The following NUDT5 variants were observed in gnomAD, a reference collection of about 807,000 sequenced individuals.
NUDT5 encodes nudix hydrolase 5, also known as ADP-sugar pyrophosphatase.
A neutral mutation model predicts 34.1 loss-of-function variants in NUDT5; 21 were observed. The observed-to-expected ratio is 0.62, with a 90% CI of 0.44 to 0.89. The LOEUF is 0.89. Among genes scored for constraint, NUDT5 ranks in the 40% least tolerant of loss-of-function variants. NUDT5 has a pLI of 0.00. For missense variants in NUDT5, 249 were observed against 274.8 expected (o/e 0.91, Z 0.66); for synonymous variants, 85 against 97.6 (o/e 0.87, Z 0.76).
intron 1 of NUDT5, among the ~76,000 whole-genome samples, chr10:12,190,767 C>G (rs561214817): frequency 1.3e-5 from 2 of 151,828 alleles, no homozygotes; most frequent in Non-Finnish European, 2.9e-5. Context: ...TACCACCACA[C>G]CCGGCTGATT....
intron 5 of NUDT5, among the ~76,000 whole-genome samples, chr10:12,176,057 T>C (rs982159225): frequency 3.3e-5 from 5 of 151,642 alleles, no homozygotes; most frequent in African/African-American, 4.8e-5. Flanking sequence ...ATTAGCCGGG[T>C]GTGGTGGCAC....
In NUDT5 at chr10:12,170,765, C is replaced by A; in HGVS notation, c.502G>T (p.Val168Leu). The stretch of plus-strand genomic sequence containing the variant: ...TTCTTGGGTAAAGAAATGACTTCCA[C>A]AAACTCTAAACAGACAAAGTGCAAG... ...PKPKPGDGEF[V>L]EVISLPKNDL... Residue 168 changes from valine to leucine, a missense_variant, in exon 9 of 10, where the codon GTG becomes TTG. Val to Leu is a conservative substitution (Grantham distance 32). Coordinates refer to ENST00000491614, the MANE Select transcript of NUDT5 (RefSeq NM_014142.4). The surrounding 1 kb of genome is among the most constrained non-coding windows in gnomAD (Gnocchi z 4.9). The A allele has an allele frequency of 6.2e-7, 1 of 1,614,130 alleles. No individual in the cohort carries two copies. The highest frequency in any genetic ancestry group is 8.5e-7 in the Non-Finnish European group (1 of 1,180,014).
At chr10:12,177,735 G>A in intron 5 of NUDT5, 58 bp downstream of exon 5, 2 of 1,246,980 alleles carry the variant, frequency 1.6e-6, no homozygotes, top group Middle Eastern at 1.9e-4. Flanking sequence ...CAGTTCTCAG[G>A]CTTTACCCTG....
chr10:12,191,312 G>C (rs1835225716), intron 1 of NUDT5, among the ~76,000 whole-genome samples: 1 of 152,086 alleles, frequency 6.6e-6, no homozygotes, highest in African/African-American at 2.4e-5. Context: ...GAACCCGGGA[G>C]GTGGAGCTTG....
rs907845927 is a variant in NUDT5 at position 12,168,726 on chromosome 10, C to T, written c.551-915G>A. On this transcript the variant is annotated intron_variant, in intron 9 of 9. Coordinates refer to ENST00000491614, the MANE Select transcript of NUDT5 (RefSeq NM_014142.4). The surrounding 1 kb of genome is among the most constrained non-coding windows in gnomAD (Gnocchi z 4.8). ...GGCACAGCAGGTGCTTGGTAACTGGCAGATGCTACTCTTTGTAGCAAACTG... is the reference window on the plus strand; with the variant it reads ...GGCACAGCAGGTGCTTGGTAACTGGTAGATGCTACTCTTTGTAGCAAACTG... Among the ~76,000 whole-genome samples the T allele has an allele frequency of 1.3e-5, 2 of 152,120 alleles. No homozygotes were observed. Among genetic ancestry groups the T allele is most frequent in the Non-Finnish European group, 2.9e-5 (2 of 68,004 alleles).
At chr10:12,178,680 T>C (rs1187830128) in intron 4 of NUDT5, among the ~76,000 whole-genome samples, 1 of 152,224 alleles carries the variant, frequency 6.6e-6, no homozygotes, top group African/African-American at 2.4e-5. Context: ...ATTAATTCCG[T>C]GTCCTCATCA....
At chr10:12,190,829 G>C (rs954504607) in intron 1 of NUDT5, among the ~76,000 whole-genome samples, 1 of 151,598 alleles carries the variant, frequency 6.6e-6, no homozygotes, top group Non-Finnish European at 1.5e-5. Context: ...GGCTGGTTTC[G>C]AACTCCTGAC....
At chr10:12,167,949 C>T (rs1834747681) in intron 9 of NUDT5, 138 bp from the exon 10 acceptor site, 7 of 1,410,442 alleles carry the variant, frequency 5.0e-6, no homozygotes, top group Non-Finnish European at 5.5e-6. Flanking sequence ...TTTTTTTGGT[C>T]TATAAGGATC....
chr10:12,179,112 C>A lies in NUDT5; in HGVS notation c.152G>T (p.Arg51Leu). Residue 51 changes from arginine (R) to leucine (L), a missense_variant, in exon 4 of 10, where the codon CGT becomes CTT. By Grantham distance (102) the Arg-to-Leu change is moderately radical (BLOSUM62 -2). Coordinates refer to ENST00000491614, the MANE Select transcript of NUDT5 (RefSeq NM_014142.4). ...GKTRTWESVKRTTRKEQTADG... is the reference protein window; with the variant it reads ...GKTRTWESVKLTTRKEQTADG... Reference sequence around the variant, plus strand: ...CGCAGTCTGCTCTTTCCTGGTTGTACGTTTCACTGATTCCCAAGTTCTGTT... The same window carrying A: ...CGCAGTCTGCTCTTTCCTGGTTGTAAGTTTCACTGATTCCCAAGTTCTGTT... 1 of 1,614,000 alleles carries A rather than the reference C, an allele frequency of 6.2e-7. No homozygotes were observed. Among genetic ancestry groups the A allele is most frequent in the South Asian group, 1.1e-5 (1 of 91,070 alleles).
chr10:12,191,462 T>C (rs1005713707), intron 1 of NUDT5, among the ~76,000 whole-genome samples: 2 of 152,046 alleles, frequency 1.3e-5, no homozygotes, highest in African/African-American at 4.8e-5. Context: ...ACTCCACATA[T>C]AATGATGATT....
rs573442367 is a variant in NUDT5 at position 12,181,652 on chromosome 10, G to A, written c.132-2520C>T. ...TGCCATTTCATGACCCTCTGTGGGA[G>A]TACCTGCAGAGGGAAGTCGCCGTGT... On this transcript the variant is annotated intron_variant, in intron 3 of 9. Coordinates refer to ENST00000491614, the MANE Select transcript of NUDT5 (RefSeq NM_014142.4). The surrounding 1 kb of genome is among the most constrained non-coding windows in gnomAD (Gnocchi z 5.0). Among the ~76,000 whole-genome samples, 1 of 152,024 alleles carries A rather than the reference G, an allele frequency of 6.6e-6. No homozygotes were observed. The highest frequency in any genetic ancestry group is 2.1e-4 in the South Asian group (1 of 4,824).
Position 12,170,617 on chromosome 10 carries a change from C to T in NUDT5, c.550+100G>A. 4 of 1,153,110 alleles carry T rather than the reference C, an allele frequency of 3.5e-6. No homozygotes were observed. The highest frequency in any genetic ancestry group is 2.6e-6 in the Non-Finnish European group (2 of 767,910). The allele number at this position is 1,153,110 out of a possible 1,614,324, so 71.4% of individuals were successfully genotyped here. A position where few individuals can be genotyped will look rare whatever the true frequency, so the allele number is the denominator to read the frequency against. On this transcript the variant is annotated intron_variant, in intron 9 of 9. Transcript: ENST00000491614. This position sits in a 1 kb window ranked among gnomAD's most constrained non-coding sequence, Gnocchi z 4.9. ...TGCTAGGCATTTGACTTTAGTGATA[C>T]AAAAAAGATAAAGAAATGGAGTTAT...
At chr10:12,185,403 G>A (rs571608061) in intron 2 of NUDT5, among the ~76,000 whole-genome samples, 13 of 152,318 alleles carry the variant, frequency 8.5e-5, no homozygotes, top group Admixed American at 8.5e-4. Flanking sequence ...ACACAGGAAG[G>A]CGGACTGTGG....
Position 12,186,358 on chromosome 10 carries a change from G to A in NUDT5, c.-41-26C>T, listed in dbSNP as rs535346598. 2.8e-4 allele frequency: 341 copies of A among 1,219,368 alleles called. 2 individuals carry two copies. The South Asian group carries it at 4.1e-3, about 14-fold the overall frequency. The allele number at this position is 1,219,368 out of a possible 1,614,324, so 75.5% of individuals were successfully genotyped here. A position where few individuals can be genotyped will look rare whatever the true frequency, so the allele number is the denominator to read the frequency against. ...CTGCAAGATAATGAGATTTGTTCAG[G>A]CTAAAATTATTTTTCTGAATTAAAC... On this transcript the variant is annotated intron_variant, in intron 1 of 9. Transcript: ENST00000491614.
At chr10:12,172,893 C>A in intron 6 of NUDT5, 27 bp from the exon 7 acceptor site, 2 of 1,487,794 alleles carry the variant, frequency 1.3e-6, no homozygotes, top group Middle Eastern at 3.4e-4. Flanking sequence ...CAGTCAGATG[C>A]GTCAGTCCCT....
intron 2 of NUDT5, 45 bp from the exon 3 acceptor site, chr10:12,185,001 T>C (rs1835103299): frequency 1.9e-6 from 2 of 1,052,076 alleles, no homozygotes; most frequent in Admixed American, 2.0e-5. Context: ...TCAAACCAAG[T>C]TGTTTTTATC....
chr10:12,184,832 A>G, intron 3 of NUDT5, 57 bp downstream of exon 3: 1 of 976,780 alleles, frequency 1.0e-6, no homozygotes, highest in Non-Finnish European at 1.6e-6. Context: ...AAAACACTCA[A>G]CAGATAACCT....
At chr10:12,172,409 C>A in intron 7 of NUDT5, 1 of 268,642 alleles carries the variant, frequency 3.7e-6, no homozygotes, top group Non-Finnish European at 7.3e-6. Flanking sequence ...TACAGGGGAA[C>A]TTAGGCCATT....
Position 12,184,975 on chromosome 10 carries a change from A to G in NUDT5, c.64-19T>C, listed in dbSNP as rs780612287. The G allele has an allele frequency of 2.9e-6, 4 of 1,368,902 alleles. No homozygotes were observed. Among genetic ancestry groups the G allele is most frequent in the Non-Finnish European group, 2.1e-6 (2 of 967,988 alleles). The allele number at this position is 1,368,902 out of a possible 1,614,324, so 84.8% of individuals were successfully genotyped here. A position where few individuals can be genotyped will look rare whatever the true frequency, so the allele number is the denominator to read the frequency against. On this transcript the variant is annotated intron_variant, in intron 2 of 9. Transcript: ENST00000491614. ...AAATTAACTAAAAGGATATCAGATA[A>G]TAAGTTGGGAAACTTTCAAACCAAG...
Sources: allele counts gnomAD v4.1 joint callset (sites outside exome capture counted in the v4.1 genomes callset), GRCh38; gene constraint gnomAD v4.1.1; non-coding constraint Gnocchi (gnomAD v3.1); transcripts MANE v1.5; gene names NCBI Gene and HGNC (gene_info 2026-07-23, HGNC 2026-07-21).